The following NTRK3 variants were observed in gnomAD, a reference collection of about 807,000 sequenced individuals.
NTRK3 encodes neurotrophic receptor tyrosine kinase 3.
Under a neutral mutation model 91.7 loss-of-function variants are expected in NTRK3, and 24 were observed. That is an observed-to-expected ratio of 0.26 (90% CI 0.19 to 0.37). The LOEUF (loss-of-function observed/expected upper bound fraction) is 0.37. NTRK3 is among the 10% of genes least tolerant of loss of function. The pLI is 1.00. For synonymous variants in NTRK3, 483 were observed against 404.0 expected (o/e 1.20, Z -2.34); for missense variants, 880 against 1,068.9 (o/e 0.82, Z 2.46).
Position 87,943,376 on chromosome 15 carries a change from TTAGCTGTGTGGCC to T in NTRK3, c.1586-2636_1586-2624del, listed in dbSNP as rs148272029. Among the ~76,000 whole-genome samples, 162 of 152,268 alleles carry T rather than the reference TTAGCTGTGTGGCC, an allele frequency of 1.1e-3. 1 individual carries two copies. The East Asian group carries it at 0.03, about 28-fold the overall frequency. ...TAGCTCAAAGGTCCTCCTTCCCTCC[TTAGCTGTGTGGCC>T]TAGATTGAGTCAAGTCCCTTCTCAG... is the stretch of plus-strand genomic sequence containing the variant. On this transcript the variant is annotated intron_variant, in intron 14 of 18. Transcript: ENST00000394480.
chr15:88,153,206 C>T (rs1453580153), intron 5 of NTRK3, among the ~76,000 whole-genome samples: 1 of 152,172 alleles, frequency 6.6e-6, no homozygotes, highest in African/African-American at 2.4e-5. Context: ...TAAGATCTAA[C>T]ATCATCAAGT....
At chr15:87,956,758 G>C (rs2071706247) in intron 14 of NTRK3, among the ~76,000 whole-genome samples, 1 of 150,698 alleles carries the variant, frequency 6.6e-6, no homozygotes, top group South Asian at 2.1e-4. Flanking sequence ...TTTTAGTAGA[G>C]ATGGGGTTTC....
At chr15:87,981,855 TGAG>T (rs890865061) in intron 14 of NTRK3, among the ~76,000 whole-genome samples, 5 of 152,184 alleles carry the variant, frequency 3.3e-5, no homozygotes, top group Non-Finnish European at 5.9e-5. Context: ...GCGGGGATGA[TGAG>T]GAGATGAGAG....
chr15:88,228,164 C>T (rs79468868), intron 3 of NTRK3, among the ~76,000 whole-genome samples: 4,948 of 152,200 alleles, frequency 0.033, 286 homozygotes, highest in African/African-American at 0.11. Flanking sequence ...TCTCTGGGCA[C>T]GTCACTCCCC....
intron 14 of NTRK3, among the ~76,000 whole-genome samples, chr15:88,027,374 CTG>C (rs998800493): frequency 6.6e-6 from 1 of 152,048 alleles, no homozygotes; most frequent in Non-Finnish European, 1.5e-5. Flanking sequence ...CTTTTCCTCT[CTG>C]TGAGTTTCTT....
chr15:87,941,231 C>T (rs866521144), intron 14 of NTRK3, among the ~76,000 whole-genome samples: 8 of 152,082 alleles, frequency 5.3e-5, no homozygotes, highest in Non-Finnish European at 7.4e-5. Context: ...TTCCAGGGTA[C>T]GATTGAGAAT....
At chr15:88,119,516 A>G (rs1051966181) in intron 13 of NTRK3, among the ~76,000 whole-genome samples, 1 of 152,208 alleles carries the variant, frequency 6.6e-6, no homozygotes, top group Non-Finnish European at 1.5e-5. Context: ...ATTTGTTAGG[A>G]GAATACGAGG....
chr15:87,935,279 G>T (rs1596313286), intron 15 of NTRK3, among the ~76,000 whole-genome samples: 1 of 152,166 alleles, frequency 6.6e-6, no homozygotes, highest in African/African-American at 2.4e-5. Context: ...AAGGTGCCAG[G>T]CTTGAGGATA....
intron 4 of NTRK3, 50 bp from the exon 5 acceptor site, chr15:88,183,539 A>G (rs753027102): frequency 1.3e-6 from 2 of 1,540,452 alleles, no homozygotes; most frequent in South Asian, 1.1e-5. Flanking sequence ...GCAGAGGGAT[A>G]TCTGCTCTGG....
intron 17 of NTRK3, 78 bp downstream of exon 18, chr15:87,885,616 T>C (rs1405255061): frequency 6.5e-6 from 5 of 767,264 alleles, no homozygotes; most frequent in Non-Finnish European, 1.0e-5. Flanking sequence ...TGGAATTTAA[T>C]ATATGAAACA....
At chr15:88,060,245 A>C (rs1265404463) in intron 13 of NTRK3, among the ~76,000 whole-genome samples, 1 of 152,046 alleles carries the variant, frequency 6.6e-6, no homozygotes, top group South Asian at 2.1e-4. Flanking sequence ...TTAGCCAGGC[A>C]TGGTGGCAGT....
intron 14 of NTRK3, among the ~76,000 whole-genome samples, chr15:87,969,299 C>T (rs1167359588): frequency 6.6e-6 from 1 of 152,152 alleles, no homozygotes; most frequent in Non-Finnish European, 1.5e-5. Flanking sequence ...GTTACTGACG[C>T]GTGTGCCAGA....
At chr15:88,122,849 A>G (rs539731589) in intron 13 of NTRK3, among the ~76,000 whole-genome samples, 130 of 152,234 alleles carry the variant, frequency 8.5e-4, no homozygotes, top group African/African-American at 2.6e-3. Context: ...TTTTTTTATT[A>G]TTAAAATTAA....
At chr15:88,209,954 C>A (rs1249680769) in intron 3 of NTRK3, 1 of 152,330 alleles carries the variant, frequency 6.6e-6, no homozygotes, top group Non-Finnish European at 1.5e-5. Context: ...TATCCCTCAT[C>A]CCCTTCCCTA....
exon 19 of NTRK3, chr15:87,870,217 CA>C (rs1491580039): frequency 5.5e-6 from 1 of 182,952 alleles, no homozygotes; most frequent in Non-Finnish European, 1.1e-5. Context: ...CACACACACA[CA>C]AACATATATA....
chr15:88,036,844 G>A (rs2079115817), intron 13 of NTRK3, among the ~76,000 whole-genome samples: 1 of 152,192 alleles, frequency 6.6e-6, no homozygotes. Flanking sequence ...GATGTGGATG[G>A]TTAAAGTGAC....
intron 5 of NTRK3, among the ~76,000 whole-genome samples, chr15:88,172,597 GAGATACCTGAAATC>G (rs2045619435): frequency 1.3e-5 from 2 of 152,208 alleles, no homozygotes; most frequent in South Asian, 4.1e-4. Flanking sequence ...CTAGAGAACT[GAGATACCTGAAATC>G]AGAAAGAACA....
intron 5 of NTRK3, among the ~76,000 whole-genome samples, chr15:88,159,943 T>TACACACACAC (rs59254719): frequency 0.066 from 7,415 of 111,940 alleles, 554 homozygotes; most frequent in African/African-American, 0.069. Flanking sequence ...CCCAGCCTCC[T>TACACACACAC]ACACACACAC....
chr15:87,934,967 C>T (rs994931628), intron 15 of NTRK3, among the ~76,000 whole-genome samples: 13 of 152,108 alleles, frequency 8.5e-5, no homozygotes, highest in South Asian at 2.1e-4. Flanking sequence ...AATTAATCTA[C>T]GGCTGACAAA....
Sources: allele counts gnomAD v4.1 joint callset (sites outside exome capture counted in the v4.1 genomes callset), GRCh38; gene constraint gnomAD v4.1.1; transcripts MANE v1.5; gene names NCBI Gene and HGNC (gene_info 2026-07-23, HGNC 2026-07-21).